The following STARD13 variants were observed in gnomAD, a reference collection of about 807,000 sequenced individuals.
The protein encoded by STARD13 is stAR-related lipid transfer protein 13.
STARD13 carries 62 observed loss-of-function variants against 106.4 expected under a neutral mutation model. The observed-to-expected ratio is 0.58, with a 90% CI of 0.48 to 0.72. The LOEUF is 0.72. Among genes scored for constraint, STARD13 ranks in the 30% least tolerant of loss-of-function variants. The pLI, the probability that STARD13 is intolerant of heterozygous loss-of-function variation, is 0.00. For missense variants in STARD13, 1,387 were observed against 1,424.0 expected (o/e 0.97, Z 0.42); for synonymous variants, 565 against 553.0 (o/e 1.02, Z -0.31).
At chr13:33,403,280 G>C in the STARD13 span, among the ~76,000 whole-genome samples, 3,231 of 152,294 alleles carry the variant, frequency 0.021, 81 homozygotes, top group African/African-American at 0.062. Context: ...CTGTTTCAGT[G>C]GCTTGCTTCT....
chr13:33,628,743 C>T, the STARD13 span, among the ~76,000 whole-genome samples: 2 of 152,138 alleles, frequency 1.3e-5, no homozygotes, highest in Non-Finnish European at 2.9e-5. Context: ...AGGGAGGCAC[C>T]GCATTGTAGG....
At chr13:33,237,946 A>G (rs1889274947) in intron 1 of STARD13, among the ~76,000 whole-genome samples, 1 of 152,214 alleles carries the variant, frequency 6.6e-6, no homozygotes, top group Non-Finnish European at 1.5e-5. Context: ...GAGATAGACA[A>G]AATTATGTCT....
At chr13:33,326,828 G>T (rs1566140718) in intron 1 of STARD13, among the ~76,000 whole-genome samples, 1 of 152,164 alleles carries the variant, frequency 6.6e-6, no homozygotes, top group African/African-American at 2.4e-5. Flanking sequence ...CACTCAAGTG[G>T]TGCTCTTATA....
chr13:33,478,646 T>G, the STARD13 span, among the ~76,000 whole-genome samples: 1 of 152,332 alleles, frequency 6.6e-6, no homozygotes, highest in East Asian at 1.9e-4. Context: ...CTGGGCATGG[T>G]GGCTCATGCC....
the STARD13 span, among the ~76,000 whole-genome samples, chr13:33,410,042 T>G: frequency 6.6e-6 from 1 of 152,246 alleles, no homozygotes; most frequent in Non-Finnish European, 1.5e-5. Flanking sequence ...ATATTTGGTA[T>G]AGCATGTCAG....
At chr13:33,439,705 G>C in the STARD13 span, 1 of 1,267,582 alleles carries the variant, frequency 7.9e-7, no homozygotes. Context: ...TCTTTCTTTG[G>C]GTCTGTTATC....
At chr13:33,637,289 G>T in the STARD13 span, among the ~76,000 whole-genome samples, 2 of 152,096 alleles carry the variant, frequency 1.3e-5, no homozygotes, top group African/African-American at 2.4e-5. Flanking sequence ...CAACAAAGTC[G>T]GGTGGCCTGA....
chr13:33,674,719 GAAAC>G, the STARD13 span, among the ~76,000 whole-genome samples: 1 of 152,062 alleles, frequency 6.6e-6, no homozygotes. Context: ...TTTAGTAAAA[GAAAC>G]AGAGAAATCT....
intron 1 of STARD13, among the ~76,000 whole-genome samples, chr13:33,193,677 C>T (rs1486109705): frequency 6.6e-6 from 1 of 152,190 alleles, no homozygotes; most frequent in African/African-American, 2.4e-5. Context: ...CAAAGCCATG[C>T]TGCTCAGAGC....
chr13:33,659,154 G>T, the STARD13 span, among the ~76,000 whole-genome samples: 1 of 151,840 alleles, frequency 6.6e-6, no homozygotes, highest in Non-Finnish European at 1.5e-5. Context: ...AACACGAAAA[G>T]GTGGGTATGT....
At chr13:33,647,107 A>C in the STARD13 span, among the ~76,000 whole-genome samples, 1 of 152,300 alleles carries the variant, frequency 6.6e-6, no homozygotes, top group Non-Finnish European at 1.5e-5. Flanking sequence ...CATTTTACTA[A>C]TGTTTGACTA....
the STARD13 span, among the ~76,000 whole-genome samples, chr13:33,532,813 G>A: frequency 6.6e-6 from 1 of 152,184 alleles, no homozygotes; most frequent in African/African-American, 2.4e-5. Context: ...TCCGACATGA[G>A]GAATCCAAAG....
upstream of STARD13, chr13:33,285,892 T>C: frequency 1.6e-6 from 1 of 641,426 alleles, no homozygotes; most frequent in Non-Finnish European, 2.2e-6. Context: ...CCAGAGGCAG[T>C]TCCAGCCGCC....
the STARD13 span, among the ~76,000 whole-genome samples, chr13:33,639,688 C>T: frequency 4.6e-5 from 7 of 152,204 alleles, no homozygotes; most frequent in Admixed American, 4.6e-4. Context: ...TACTCCTGTG[C>T]CAATCACCAA....
intron 1 of STARD13, chr13:33,274,038 G>A (rs1291966436): frequency 6.6e-6 from 1 of 151,218 alleles, no homozygotes; most frequent in East Asian, 1.9e-4. Flanking sequence ...CAAAAACATG[G>A]AAGCAATCAG....
chr13:33,368,109 T>C, the STARD13 span, among the ~76,000 whole-genome samples: 1 of 152,134 alleles, frequency 6.6e-6, no homozygotes, highest in East Asian at 1.9e-4. Flanking sequence ...AAACACTTCT[T>C]ATCTCAGGGG....
the STARD13 span, among the ~76,000 whole-genome samples, chr13:33,510,292 G>C: frequency 6.6e-6 from 1 of 152,144 alleles, no homozygotes; most frequent in East Asian, 1.9e-4. Context: ...TTAGAGTGAA[G>C]GTAGGGAATT....
chr13:33,517,086 T>C, the STARD13 span, among the ~76,000 whole-genome samples: 5 of 152,150 alleles, frequency 3.3e-5, no homozygotes, highest in African/African-American at 7.2e-5. Flanking sequence ...CCTGTTCCTT[T>C]TACTTTTTTT....
At chr13:33,494,125 G>A in the STARD13 span, among the ~76,000 whole-genome samples, 2 of 152,172 alleles carry the variant, frequency 1.3e-5, no homozygotes, top group Admixed American at 1.3e-4. Flanking sequence ...TCCAGGTCTA[G>A]TGTAGAAGCA....
Sources: allele counts gnomAD v4.1 joint callset (sites outside exome capture counted in the v4.1 genomes callset), GRCh38; gene constraint gnomAD v4.1.1; transcripts MANE v1.5; gene names NCBI Gene and HGNC (gene_info 2026-07-23, HGNC 2026-07-21).